SLC22A23: variants seen among roughly 807,000 people sequenced by gnomAD.
SLC22A23 encodes the protein solute carrier family 22 member 23.
A neutral mutation model predicts 61.0 loss-of-function variants in SLC22A23; 26 were observed. That is an observed-to-expected ratio of 0.43 (90% CI 0.31 to 0.59). The LOEUF is 0.59. Among genes scored for constraint, SLC22A23 ranks in the 20% least tolerant of loss-of-function variants. The pLI is 0.11. For synonymous variants in SLC22A23, 430 were observed against 413.9 expected (o/e 1.04, Z -0.47); for missense variants, 796 against 934.7 (o/e 0.85, Z 1.94).
In SLC22A23 at chr6:3,283,484, G is replaced by C. The variant is rs1300415845; in HGVS notation, c.1703+368C>G. The C allele has an allele frequency of 2.7e-4, 82 of 302,884 alleles. No individual in the cohort carries two copies. The Admixed American group carries it at 3.5e-3, about 13-fold the overall frequency. The allele number at this position is 302,884 out of a possible 1,614,324, so 18.8% of individuals were successfully genotyped here. On this transcript the variant is annotated intron_variant, in intron 9 of 9. Coordinates refer to ENST00000406686, the MANE Select transcript of SLC22A23 (RefSeq NM_015482.2). ...CTACTTTGTGAAACATTTTGCACTA[G>C]CTGTGCCGTGAGGTCTCTTAGCAGA...
intron 3 of SLC22A23, among the ~76,000 whole-genome samples, chr6:3,395,975 A>G (rs1041244255): frequency 1.3e-5 from 2 of 152,234 alleles, no homozygotes; most frequent in African/African-American, 4.8e-5. Context: ...AATTCCTTAC[A>G]AGATGATTGT....
chr6:3,418,413 G>T (rs1225369491), intron 1 of SLC22A23, among the ~76,000 whole-genome samples: 1 of 152,232 alleles, frequency 6.6e-6, no homozygotes, highest in Admixed American at 6.5e-5. Flanking sequence ...CAATACTGTT[G>T]TGAGTTCAGC....
chr6:3,417,193 G>C (rs1484488058), intron 1 of SLC22A23, among the ~76,000 whole-genome samples: 1 of 152,180 alleles, frequency 6.6e-6, no homozygotes, highest in African/African-American at 2.4e-5. Context: ...GAAAGCCACT[G>C]CCTGTCACAA....
chr6:3,417,251 G>A lies in SLC22A23; in HGVS notation c.655-1396C>T, dbSNP rs373428560. 5.3e-5 allele frequency among the ~76,000 whole-genome samples: 8 copies of A among 152,248 alleles called. No individual in the cohort carries two copies. In the East Asian group the frequency reaches 9.7e-4, roughly 18 times the overall value. On this transcript the variant is annotated intron_variant, in intron 1 of 9. Coordinates refer to ENST00000406686, the MANE Select transcript of SLC22A23 (RefSeq NM_015482.2). ...TCCTTGGGACACACACTGGCTCGCC[G>A]ATGCCCCCAACACAGGTATGCTTTC...
At chr6:3,300,993 T>TC (rs1438918699) in intron 4 of SLC22A23, among the ~76,000 whole-genome samples, 1 of 151,818 alleles carries the variant, frequency 6.6e-6, no homozygotes, top group Non-Finnish European at 1.5e-5. Flanking sequence ...GCACTGATTT[T>TC]TTTTAAATAC....
intron 3 of SLC22A23, among the ~76,000 whole-genome samples, chr6:3,371,052 A>T (rs1410400383): frequency 6.6e-6 from 1 of 152,194 alleles, no homozygotes; most frequent in African/African-American, 2.4e-5. Context: ...TTTGATGTTT[A>T]TCTGGTGCCA....
intron 1 of SLC22A23, among the ~76,000 whole-genome samples, chr6:3,435,163 A>G (rs912839713): frequency 1.3e-5 from 2 of 152,172 alleles, no homozygotes; most frequent in East Asian, 3.9e-4. Flanking sequence ...CAGCTCCAGC[A>G]GGTGGCTTAG....
chr6:3,356,653 T>G (rs1171791235), intron 3 of SLC22A23, among the ~76,000 whole-genome samples: 1 of 152,122 alleles, frequency 6.6e-6, no homozygotes, highest in Non-Finnish European at 1.5e-5. Flanking sequence ...GAAGCTTTGT[T>G]GTAACCCTGT....
At chr6:3,401,175 C>G (rs1768362023) in intron 3 of SLC22A23, among the ~76,000 whole-genome samples, 1 of 152,210 alleles carries the variant, frequency 6.6e-6, no homozygotes, top group Admixed American at 6.5e-5. Flanking sequence ...AACCCCGTCT[C>G]TACTAAAAAT....
chr6:3,421,817 AC>A (rs1234341019), intron 1 of SLC22A23, among the ~76,000 whole-genome samples: 12 of 152,238 alleles, frequency 7.9e-5, no homozygotes. Context: ...CTTCTCGGAA[AC>A]ACGTATTTTA....
chr6:3,398,397 C>A (rs944315380), intron 3 of SLC22A23, among the ~76,000 whole-genome samples: 1 of 150,702 alleles, frequency 6.6e-6, no homozygotes, highest in Admixed American at 6.6e-5. Flanking sequence ...GACGCAAGCA[C>A]CTCTCAGCCA....
chr6:3,392,673 GGAGA>G (rs912920561), intron 3 of SLC22A23, among the ~76,000 whole-genome samples: 1 of 152,082 alleles, frequency 6.6e-6, no homozygotes, highest in South Asian at 2.1e-4. Flanking sequence ...GCTGATCAAG[GGAGA>G]GAGAGAGAAG....
intron 1 of SLC22A23, among the ~76,000 whole-genome samples, chr6:3,449,858 T>C (rs557029574): frequency 2.1e-4 from 32 of 152,338 alleles, no homozygotes; most frequent in Non-Finnish European, 3.7e-4. Flanking sequence ...CGTGATATAT[T>C]GTGAATATAA....
At chr6:3,447,301 C>G (rs965387690) in intron 1 of SLC22A23, among the ~76,000 whole-genome samples, 1 of 152,212 alleles carries the variant, frequency 6.6e-6, no homozygotes, top group African/African-American at 2.4e-5. Flanking sequence ...CAGCTCTCAT[C>G]TCAGATGTCA....
chr6:3,450,923 T>C (rs1772130084), intron 1 of SLC22A23, among the ~76,000 whole-genome samples: 1 of 152,250 alleles, frequency 6.6e-6, no homozygotes, highest in Non-Finnish European at 1.5e-5. Flanking sequence ...AAATAACTTC[T>C]ACTCTTTAGC....
intron 9 of SLC22A23, among the ~76,000 whole-genome samples, chr6:3,282,012 T>C (rs527561926): frequency 4.1e-4 from 62 of 152,308 alleles, no homozygotes; most frequent in Non-Finnish European, 7.9e-4. Flanking sequence ...CCGTCTAGCT[T>C]GCTAAGCCAA....
chr6:3,378,962 G>A (rs918420823), intron 3 of SLC22A23, among the ~76,000 whole-genome samples: 4 of 152,128 alleles, frequency 2.6e-5, no homozygotes, highest in Admixed American at 6.5e-5. Flanking sequence ...CCTGGCCTCA[G>A]TGTCAGGTTT....
intron 4 of SLC22A23, among the ~76,000 whole-genome samples, chr6:3,310,290 G>A (rs1218754822): frequency 7.6e-6 from 1 of 130,760 alleles, no homozygotes; most frequent in African/African-American, 3.5e-5. Flanking sequence ...TGTCTCCCAG[G>A]GAGCACCCTG....
chr6:3,323,261 C>T (rs1763067926), intron 4 of SLC22A23: 1 of 456,376 alleles, frequency 2.2e-6, no homozygotes. Flanking sequence ...TTATACCATA[C>T]CAACCTGCTG....
Sources: allele counts gnomAD v4.1 joint callset (sites outside exome capture counted in the v4.1 genomes callset), GRCh38; gene constraint gnomAD v4.1.1; transcripts MANE v1.5; gene names NCBI Gene and HGNC (gene_info 2026-07-23, HGNC 2026-07-21).